DTNA: variants seen among roughly 807,000 people sequenced by gnomAD.
DTNA encodes dystrophin-related protein 3.
DTNA carries 43 observed loss-of-function variants against 100.7 expected under a neutral mutation model. The ratio of observed to expected loss-of-function variants is 0.43; its 90% CI spans 0.33 to 0.55. DTNA has a LOEUF of 0.55. Among genes scored for constraint, DTNA ranks in the 20% least tolerant of loss-of-function variants. DTNA has a pLI of 0.04. For synonymous variants in DTNA, 349 were observed against 347.9 expected, an observed-to-expected ratio of 1.00 and a Z score of -0.04; for missense variants, 798 against 953.9, an observed-to-expected ratio of 0.84 and a Z score of 2.15.
intron 1 of DTNA, among the ~76,000 whole-genome samples, chr18:34,711,250 T>C (rs1384370270): frequency 6.6e-6 from 1 of 152,178 alleles, no homozygotes; most frequent in Non-Finnish European, 1.5e-5. Flanking sequence ...TGTTTCAAAA[T>C]GGGAGGCTTT....
intron 1 of DTNA, among the ~76,000 whole-genome samples, chr18:34,662,418 C>T (rs190830686): frequency 1.1e-3 from 160 of 152,110 alleles, no homozygotes; most frequent in Non-Finnish European, 1.9e-3. Flanking sequence ...AGGGACTGGG[C>T]GATCCTGGGA....
At chr18:34,743,985 A>C (rs1193130520) in intron 1 of DTNA, among the ~76,000 whole-genome samples, 1 of 152,104 alleles carries the variant, frequency 6.6e-6, no homozygotes, top group Non-Finnish European at 1.5e-5. Context: ...ATCCAGAGCT[A>C]GACTCCTCAG....
chr18:34,572,387 G>A (rs1195192916), intron 1 of DTNA, among the ~76,000 whole-genome samples: 2 of 152,138 alleles, frequency 1.3e-5, no homozygotes, highest in Non-Finnish European at 2.9e-5. Context: ...CTCTAATTGA[G>A]CTTGCTATGT....
intron 1 of DTNA, among the ~76,000 whole-genome samples, chr18:34,684,828 A>G (rs1015481746): frequency 2.0e-5 from 3 of 152,160 alleles, no homozygotes; most frequent in Admixed American, 1.3e-4. Context: ...TGACTTTTCA[A>G]TGATCGCCGT....
At chr18:34,515,434 C>T (rs1331284224) in intron 1 of DTNA, among the ~76,000 whole-genome samples, 11 of 152,082 alleles carry the variant, frequency 7.2e-5, no homozygotes, top group South Asian at 4.2e-4. Context: ...TCAATTATTT[C>T]GAAAATACTT....
chr18:34,554,084 G>C (rs1205947482), intron 1 of DTNA, among the ~76,000 whole-genome samples: 7 of 135,228 alleles, frequency 5.2e-5, no homozygotes, highest in Non-Finnish European at 1.1e-4. Context: ...TCCTTGAAGA[G>C]GTCCTTCACA....
At chr18:34,608,249 A>G (rs957495923) in intron 1 of DTNA, among the ~76,000 whole-genome samples, 3 of 152,238 alleles carry the variant, frequency 2.0e-5, no homozygotes, top group Non-Finnish European at 2.9e-5. Context: ...AGCCTGACCT[A>G]TGATGACATG....
At chr18:34,509,714 T>A (rs530102346) in intron 1 of DTNA, among the ~76,000 whole-genome samples, 1 of 152,242 alleles carries the variant, frequency 6.6e-6, no homozygotes, top group South Asian at 2.1e-4. Context: ...TGCTTAAACC[T>A]TTTTTTGTTT....
chr18:34,794,379 A>T (rs79500711), intron 4 of DTNA, 129 bp downstream of exon 4: 5 of 1,018,604 alleles, frequency 4.9e-6, no homozygotes, highest in Admixed American at 2.2e-5. Context: ...CTTACAGTGG[A>T]TGCTTATGTC....
At chr18:34,784,190 G>C (rs2094434541) in intron 3 of DTNA, among the ~76,000 whole-genome samples, 3 of 152,056 alleles carry the variant, frequency 2.0e-5, no homozygotes, top group African/African-American at 2.4e-5. Flanking sequence ...ATGGGGCTCT[G>C]AATTAACTCA....
chr18:34,837,709 G>A (rs926205639), intron 11 of DTNA, among the ~76,000 whole-genome samples: 8 of 152,182 alleles, frequency 5.3e-5, no homozygotes, highest in Non-Finnish European at 8.8e-5. Flanking sequence ...AAAGTTGGAG[G>A]ATGTAGGGAA....
At chr18:34,750,973 C>A (rs1033892164) in intron 1 of DTNA, among the ~76,000 whole-genome samples, 30 of 152,180 alleles carry the variant, frequency 2.0e-4, no homozygotes, top group Admixed American at 2.0e-4. Flanking sequence ...TTATTTCTTG[C>A]TGGTTCCCAA....
At chr18:34,682,315 T>A (rs2078250245) in intron 1 of DTNA, among the ~76,000 whole-genome samples, 1 of 152,212 alleles carries the variant, frequency 6.6e-6, no homozygotes. Flanking sequence ...AGGTAAATAT[T>A]TTAGGTTGGT....
chr18:34,653,917 T>A (rs2073979802), intron 1 of DTNA, among the ~76,000 whole-genome samples: 1 of 152,192 alleles, frequency 6.6e-6, no homozygotes. Context: ...CACAATACAG[T>A]ATATGTCTTC....
intron 1 of DTNA, among the ~76,000 whole-genome samples, chr18:34,619,231 G>T (rs1200971853): frequency 1.3e-5 from 2 of 152,114 alleles, no homozygotes; most frequent in Non-Finnish European, 2.9e-5. Context: ...CACATTGGGG[G>T]AAGCATCATA....
At chr18:34,884,824 T>C in intron 22 of DTNA, 48 bp downstream of exon 22, 1 of 1,591,682 alleles carries the variant, frequency 6.3e-7, no homozygotes, top group Non-Finnish European at 8.6e-7. Context: ...GTACACTGAA[T>C]TCTGATAACC....
chr18:34,542,031 A>G (rs1396224010), intron 1 of DTNA, among the ~76,000 whole-genome samples: 3 of 152,126 alleles, frequency 2.0e-5, no homozygotes, highest in Non-Finnish European at 4.4e-5. Flanking sequence ...GAAGAGTGGT[A>G]TCATGGGAGC....
At chr18:34,575,340 T>C (rs1488326140) in intron 1 of DTNA, among the ~76,000 whole-genome samples, 2 of 152,236 alleles carry the variant, frequency 1.3e-5, no homozygotes, top group Admixed American at 1.3e-4. Context: ...CTTGATGTTA[T>C]ACGTGATTCT....
At chr18:34,723,271 CTCTG>C (rs2085778326) in intron 1 of DTNA, among the ~76,000 whole-genome samples, 2 of 152,308 alleles carry the variant, frequency 1.3e-5, no homozygotes, top group African/African-American at 4.8e-5. Context: ...GCATCGGCAA[CTCTG>C]TCTGATCTAT....
Sources: gnomAD v4.1 joint callset for allele counts (sites outside exome capture counted in the v4.1 genomes callset) on GRCh38, gnomAD v4.1.1 for gene constraint, MANE v1.5 for transcripts, NCBI Gene and HGNC (gene_info 2026-07-23, HGNC 2026-07-21) for gene names.